The following RASSF6 variants were observed in gnomAD, a reference collection of about 807,000 sequenced individuals.
RASSF6 encodes the protein ras association domain-containing protein 6.
In RASSF6, 52 loss-of-function variants were observed where a neutral mutation model predicts 44.0. The observed-to-expected ratio is 1.18, with a 90% CI of 0.95 to 1.49. The LOEUF is 1.49. Ranked by LOEUF, RASSF6 falls within the 40% of genes most tolerant of loss-of-function variation. The probability of loss-of-function intolerance (pLI) is 0.00; values close to 1 mark genes in which losing one functional copy is unlikely to be tolerated. For missense variants in RASSF6, 464 were observed against 393.3 expected (o/e 1.18, Z -1.52); for synonymous variants, 162 against 124.6 (o/e 1.30, Z -2.00).
rs199524298 is a variant in RASSF6 at position 73,587,899 on chromosome 4, C to G, written c.323G>C (p.Arg108Pro). The change falls in exon 5 of 11, where the codon CGT becomes CCT. Residue 108 changes from arginine (R) to proline (P), a missense_variant. Arg to Pro is a moderately radical substitution (Grantham distance 103, BLOSUM62 -2). Transcript: ENST00000307439. ...CTGGGTCCTGTCCAGCTCACTAATACGATAGAGATCGTCAAATTCCCCCCA... is the reference window on the plus strand; with the variant it reads ...CTGGGTCCTGTCCAGCTCACTAATAGGATAGAGATCGTCAAATTCCCCCCA... ...TRWGEFDDLY[R>P]ISELDRTQIP... The G allele has an allele frequency of 3.1e-6, 5 of 1,609,806 alleles. No individual in the cohort carries two copies. The South Asian group carries it at 3.3e-5, about 11-fold the overall frequency.
rs907439610 is a variant in RASSF6, at chr4:73,573,888, G to C, written c.*2347C>G. The stretch of plus-strand genomic sequence containing the variant: ...CATGATGGCATACTTTGTCAGTAGA[G>C]GGCGCTGGAGACACACTGCAAGAGG... On this transcript the variant is annotated 3_prime_UTR_variant, in exon 11 of 11. Coordinates refer to ENST00000307439, the MANE Select transcript of RASSF6 (RefSeq NM_177532.5). The C allele has an allele frequency of 1.3e-5, 2 of 152,180 alleles. No individual in the cohort carries two copies. Among genetic ancestry groups the C allele is most frequent in the African/African-American group, 4.8e-5 (2 of 41,424 alleles). 9.4% of individuals were successfully genotyped at this position (152,180 alleles called of 1,614,324 possible).
chr4:73,581,830 A>G lies in RASSF6; in HGVS notation c.708T>C (p.Ile236=). 6.2e-7 allele frequency: 1 copy of G among 1,610,088 alleles called. No homozygotes were observed. Among genetic ancestry groups the G allele is most frequent in the Non-Finnish European group, 8.5e-7 (1 of 1,176,834 alleles). ...AAGCTTTCTTACCTCCTGTTGCAAA[A>G]ATAATGTGAAGAGCAAAATCCTGGG... ...NSPQDFALHI[I]FATGEQRRLK... is the part of the protein sequence containing the mutation. Residue 236 remains isoleucine (I), a synonymous_variant, in exon 8 of 11, where the codon ATT becomes ATC. Transcript: ENST00000307439.
chr4:73,574,140 A>C lies in RASSF6; in HGVS notation c.*2095T>G, dbSNP rs563809200. 6.6e-6 allele frequency: 1 copy of C among 152,478 alleles called. No homozygotes were observed. Among genetic ancestry groups the C allele is most frequent in the East Asian group, 1.9e-4 (1 of 5,170 alleles). The allele number at this position is 152,478 out of a possible 1,614,324, so 9.4% of individuals were successfully genotyped here. A position where few individuals can be genotyped will look rare whatever the true frequency, so the allele number is the denominator to read the frequency against. ...CCTGAAGCTCCAATTGCTGCTCTCC[A>C]TTTCTTCTCTTCAGCTGGGTGCACA... On this transcript the variant is annotated 3_prime_UTR_variant, in exon 11 of 11. Coordinates refer to ENST00000307439, the MANE Select transcript of RASSF6 (RefSeq NM_177532.5).
intron 8 of RASSF6, among the ~76,000 whole-genome samples, chr4:73,578,756 G>T (rs1372731258): frequency 2.0e-5 from 3 of 151,652 alleles, no homozygotes; most frequent in Non-Finnish European, 2.9e-5. Context: ...TTACAGGTGT[G>T]CGCCACCACA....
chr4:73,590,712 C>A (rs1487450872), intron 4 of RASSF6, among the ~76,000 whole-genome samples: 1 of 152,154 alleles, frequency 6.6e-6, no homozygotes, highest in African/African-American at 2.4e-5. Flanking sequence ...TTAATGACAA[C>A]CAAATCTAAT....
At chr4:73,590,304 G>T (rs1018233083) in intron 4 of RASSF6, among the ~76,000 whole-genome samples, 13 of 152,122 alleles carry the variant, frequency 8.5e-5, no homozygotes, top group Non-Finnish European at 1.5e-4. Flanking sequence ...GTCAAAGAGA[G>T]AACTGAAAGA....
chr4:73,591,204 G>T (rs1695085605), intron 4 of RASSF6, among the ~76,000 whole-genome samples: 1 of 151,970 alleles, frequency 6.6e-6, no homozygotes, highest in Non-Finnish European at 1.5e-5. Flanking sequence ...TAGCCTGTTT[G>T]GTTCATTCTG....
chr4:73,595,512 T>C (rs1241424998), intron 3 of RASSF6, among the ~76,000 whole-genome samples: 1 of 152,200 alleles, frequency 6.6e-6, no homozygotes. Flanking sequence ...ATAACTTTTG[T>C]ATTATAAATG....
chr4:73,579,511 T>C (rs1368244510), intron 8 of RASSF6, among the ~76,000 whole-genome samples: 1 of 152,228 alleles, frequency 6.6e-6, no homozygotes, highest in Non-Finnish European at 1.5e-5. Context: ...TGGCTTGAGC[T>C]TGCATTTCCT....
chr4:73,615,797 T>C, intron 1 of RASSF6: 1 of 975,152 alleles, frequency 1.0e-6, no homozygotes, highest in South Asian at 1.4e-5. Context: ...GAGGAGGCAG[T>C]GTTGGGCAGC....
intron 2 of RASSF6, chr4:73,604,090 T>C (rs563667748): frequency 6.6e-6 from 1 of 152,324 alleles, no homozygotes; most frequent in East Asian, 1.9e-4. Flanking sequence ...CAAAGGCATG[T>C]TTATCCCCTG....
intron 2 of RASSF6, among the ~76,000 whole-genome samples, chr4:73,602,303 A>G (rs2149388281): frequency 6.6e-6 from 1 of 152,334 alleles, no homozygotes; most frequent in East Asian, 1.9e-4. Flanking sequence ...TCAGTACGAG[A>G]CAAGATAGAG....
chr4:73,594,878 C>G (rs563362323), intron 3 of RASSF6, among the ~76,000 whole-genome samples: 59 of 152,320 alleles, frequency 3.9e-4, no homozygotes, highest in African/African-American at 1.3e-3. Flanking sequence ...AAAAACAAAA[C>G]CCACTACTCT....
chr4:73,579,808 A>G (rs1723483187), intron 8 of RASSF6, among the ~76,000 whole-genome samples: 1 of 152,056 alleles, frequency 6.6e-6, no homozygotes. Flanking sequence ...CTAAACAACT[A>G]GAATATGAAT....
chr4:73,585,106 T>C, intron 6 of RASSF6, 74 bp downstream of exon 6: 1 of 1,016,620 alleles, frequency 9.8e-7, no homozygotes, highest in Non-Finnish European at 1.4e-6. Context: ...AATTGTGAAT[T>C]GAATTGGGTG....
intron 8 of RASSF6, among the ~76,000 whole-genome samples, chr4:73,580,314 A>T (rs1233851691): frequency 4.6e-5 from 7 of 150,714 alleles, no homozygotes; most frequent in Non-Finnish European, 1.0e-4. Context: ...GCTATTGTGA[A>T]TAATGCCGCA....
rs969968015 is a variant in RASSF6, at chr4:73,574,539, G to A, written c.*1696C>T. On this transcript the variant is annotated 3_prime_UTR_variant, in exon 11 of 11. Transcript: ENST00000307439. ...CCTCATTCCTGCCTTTCCTTGTTAG[G>A]ATTCTTTCCCTCAGCCTTAGGGTAC... 6.6e-6 allele frequency: 1 copy of A among 151,984 alleles called. No homozygotes were observed. Among genetic ancestry groups the A allele is most frequent in the Non-Finnish European group, 1.5e-5 (1 of 67,992 alleles). 9.4% of individuals were successfully genotyped at this position (151,984 alleles called of 1,614,324 possible). A position where few individuals can be genotyped will look rare whatever the true frequency, so the allele number is the denominator to read the frequency against.
At chr4:73,587,748 T>C in intron 5 of RASSF6, 92 bp downstream of exon 5, 1 of 714,652 alleles carries the variant, frequency 1.4e-6, no homozygotes, top group Non-Finnish European at 2.4e-6. Context: ...TGTAGTAGTA[T>C]GAAAAAGGTT....
Position 73,576,146 on chromosome 4 carries a change from G to T in RASSF6, c.*89C>A. 2 of 679,306 alleles carry T rather than the reference G, an allele frequency of 2.9e-6. No homozygotes were observed. The highest frequency in any genetic ancestry group is 2.2e-5 in the South Asian group (1 of 44,524). 42.1% of individuals were successfully genotyped at this position (679,306 alleles called of 1,614,324 possible). A position where few individuals can be genotyped will look rare whatever the true frequency, so the allele number is the denominator to read the frequency against. ...TACGATTCAAGTCTCATATATGTTC[G>T]TATAAATGCAAGTACAGAACTTATG... On this transcript the variant is annotated 3_prime_UTR_variant, in exon 11 of 11. Transcript: ENST00000307439.
Sources: allele counts gnomAD v4.1 joint callset (sites outside exome capture counted in the v4.1 genomes callset), GRCh38; gene constraint gnomAD v4.1.1; transcripts MANE v1.5; gene names NCBI Gene and HGNC (gene_info 2026-07-23, HGNC 2026-07-21).